ZNF33A: variants seen among roughly 807,000 people sequenced by gnomAD.
ZNF33A encodes zinc finger protein 33A, also known as brain my041 protein.
In ZNF33A, 9 loss-of-function variants were observed where a neutral mutation model predicts 15.9. The observed-to-expected ratio is 0.57, with a 90% CI of 0.34 to 0.99. The LOEUF (loss-of-function observed/expected upper bound fraction) is 0.99. Ranked by LOEUF, ZNF33A falls within the 50% of genes least tolerant of loss-of-function variation. The pLI is 0.02. For missense variants in ZNF33A, 843 were observed against 941.6 expected (o/e 0.90, Z 1.37); for synonymous variants, 294 against 324.2 (o/e 0.91, Z 1.00).
In ZNF33A at chr10:38,017,009, T is replaced by C. The variant is rs1299410670; in HGVS notation, c.148T>C (p.Ser50Pro). Residue 50 changes from serine (S) to proline (P), a missense_variant, in exon 3 of 5, where the codon TCA (serine) becomes CCA (proline). Transcript: ENST00000432900. ...VMLENYSNLV[S>P]VGYCVHKPEV... ...GCTGGAGAACTACAGCAACCTTGTC[T>C]CAGTGGGTAAGGTCTGTTCACTGTA... 3 of 1,605,482 alleles carry C rather than the reference T, an allele frequency of 1.9e-6. No homozygotes were observed. The highest frequency in any genetic ancestry group is 2.5e-6 in the Non-Finnish European group (3 of 1,177,210).
chr10:38,017,820 G>A (rs1263426577), intron 4 of ZNF33A: 1 of 157,660 alleles, frequency 6.3e-6, no homozygotes, highest in African/African-American at 2.4e-5. Flanking sequence ...AAAACATTAG[G>A]CTGGGTGTGG....
At chr10:38,030,605 T>C (rs1417199052) in intron 4 of ZNF33A, among the ~76,000 whole-genome samples, 3 of 152,132 alleles carry the variant, frequency 2.0e-5, no homozygotes, top group Non-Finnish European at 4.4e-5. Context: ...TTATTAGTTA[T>C]AGAGACAGGT....
At chr10:38,062,555 G>A (rs1444806575), downstream of ZNF33A, among the ~76,000 whole-genome samples, 2 of 152,196 alleles carry the variant, frequency 1.3e-5, no homozygotes, top group African/African-American at 2.4e-5. Context: ...TGCAGCCTCT[G>A]TGTATGTGAG....
chr10:38,047,562 G>T (rs2066002178), intron 4 of ZNF33A, among the ~76,000 whole-genome samples: 1 of 138,546 alleles, frequency 7.2e-6, no homozygotes, highest in African/African-American at 2.7e-5. Context: ...GGAGGCGGAG[G>T]TTGCAGTGAG....
intron 2 of ZNF33A, 34 bp downstream of exon 2, chr10:38,012,384 C>T (rs1173317657): frequency 1.9e-5 from 30 of 1,579,984 alleles, no homozygotes; most frequent in Non-Finnish European, 2.5e-5. Context: ...CTTTATTTTG[C>T]AGTGGACTTT....
chr10:38,035,972 T>G (rs182184990), intron 4 of ZNF33A, among the ~76,000 whole-genome samples: 181 of 152,326 alleles, frequency 1.2e-3, no homozygotes, highest in Admixed American at 3.4e-3. Flanking sequence ...TTCTTAACAC[T>G]TTTGTAAAAG....
intron 4 of ZNF33A, among the ~76,000 whole-genome samples, chr10:38,039,240 T>C (rs2065588452): frequency 6.6e-6 from 1 of 152,138 alleles, no homozygotes; most frequent in East Asian, 1.9e-4. Flanking sequence ...TTTGTCTTTT[T>C]TGAGACAGGG....
At chr10:38,010,971 C>G (rs573275949) in intron 1 of ZNF33A, among the ~76,000 whole-genome samples, 188 bp downstream of exon 1, 17 of 152,182 alleles carry the variant, frequency 1.1e-4, no homozygotes, top group African/African-American at 2.7e-4. Context: ...GGCCTCTGTA[C>G]GGAGCAGGGT....
chr10:38,061,734 C>T (rs1390641906), downstream of ZNF33A, among the ~76,000 whole-genome samples: 1 of 152,036 alleles, frequency 6.6e-6, no homozygotes, highest in African/African-American at 2.4e-5. Flanking sequence ...GCTGGGGCGG[C>T]AGGATCACTT....
At chr10:38,022,892 C>A (rs573208687) in intron 4 of ZNF33A, among the ~76,000 whole-genome samples, 4 of 152,120 alleles carry the variant, frequency 2.6e-5, no homozygotes, top group Non-Finnish European at 5.9e-5. Context: ...AACATTTACA[C>A]AAGAATTAAT....
At chr10:38,044,523 A>T (rs1008372257) in intron 4 of ZNF33A, among the ~76,000 whole-genome samples, 2 of 151,756 alleles carry the variant, frequency 1.3e-5, no homozygotes, top group African/African-American at 4.8e-5. Flanking sequence ...TCTTTTGTTG[A>T]GTCATTCTAG....
intron 4 of ZNF33A, among the ~76,000 whole-genome samples, chr10:38,032,717 CT>C (rs1208226829): frequency 6.6e-6 from 1 of 151,350 alleles, no homozygotes; most frequent in East Asian, 2.0e-4. Flanking sequence ...TCCCAAAGTG[CT>C]GAGATTACAG....
downstream of ZNF33A, chr10:38,065,039 T>C (rs775684552): frequency 2.6e-5 from 4 of 152,202 alleles, no homozygotes; most frequent in East Asian, 1.9e-4. Flanking sequence ...GCCTCCTCCT[T>C]ACTGGAGGGT....
chr10:38,017,045 T>C (rs776740181), intron 3 of ZNF33A, 30 bp downstream of exon 3: 20 of 1,586,864 alleles, frequency 1.3e-5, no homozygotes, highest in Non-Finnish European at 1.7e-5. Flanking sequence ...TCATTCTAAA[T>C]AGCATTTGTT....
rs1240000543 is a variant in ZNF33A at position 38,057,217 on chromosome 10, G to A, written c.*657G>A. The A allele has an allele frequency of 2.0e-6, 2 of 984,632 alleles. No homozygotes were observed. Among genetic ancestry groups the A allele is most frequent in the Non-Finnish European group, 2.4e-6 (2 of 829,580 alleles). The allele number at this position is 984,632 out of a possible 1,614,324, so 61.0% of individuals were successfully genotyped here. ...ACGATTAGTTTACAGAACTGAAAAG[G>A]AATCTGAGATCTGTACTGTATCAGG... On this transcript the variant is annotated 3_prime_UTR_variant, in exon 5 of 5. Coordinates refer to ENST00000432900, the MANE Select transcript of ZNF33A (RefSeq NM_006954.2).
intron 4 of ZNF33A, among the ~76,000 whole-genome samples, chr10:38,037,242 A>G (rs2065492506): frequency 6.6e-6 from 1 of 152,076 alleles, no homozygotes; most frequent in African/African-American, 2.4e-5. Context: ...GTTTTTGTAT[A>G]TGGTGTGAGG....
intron 4 of ZNF33A, among the ~76,000 whole-genome samples, chr10:38,030,645 G>A (rs1299103286): frequency 6.6e-6 from 1 of 152,272 alleles, no homozygotes; most frequent in South Asian, 2.1e-4. Flanking sequence ...GGCTCCTAAG[G>A]AGATCTAAAT....
chr10:38,019,844 G>A (rs2064656644), intron 4 of ZNF33A, among the ~76,000 whole-genome samples: 1 of 152,176 alleles, frequency 6.6e-6, no homozygotes, highest in Non-Finnish European at 1.5e-5. Context: ...TGAGTTTCTA[G>A]AATCATTTTT....
At chr10:38,061,561 AC>A (rs1294593512), downstream of ZNF33A, among the ~76,000 whole-genome samples, 2 of 152,128 alleles carry the variant, frequency 1.3e-5, no homozygotes, top group African/African-American at 4.8e-5. Flanking sequence ...CACCTGGGCC[AC>A]AGACTACATG....
Sources: allele counts gnomAD v4.1 joint callset (sites outside exome capture counted in the v4.1 genomes callset), GRCh38; gene constraint gnomAD v4.1.1; transcripts MANE v1.5; gene names NCBI Gene and HGNC (gene_info 2026-07-23, HGNC 2026-07-21).